Variants in TCF25 observed in about 807,000 individuals in gnomAD.
TCF25 encodes ribosome quality control complex subunit TCF25.
In TCF25, 41 loss-of-function variants were observed where a neutral mutation model predicts 83.1. The ratio of observed to expected loss-of-function variants is 0.49; its 90% confidence interval spans 0.38 to 0.64. The LOEUF is 0.64. Ranked by LOEUF, TCF25 falls within the 30% of genes least tolerant of loss-of-function variation. TCF25 has a pLI of 0.00. For missense variants in TCF25, 979 were observed against 914.5 expected (o/e 1.07, Z -0.91); for synonymous variants, 458 against 365.0 (o/e 1.25, Z -2.90).
intron 1 of TCF25, among the ~76,000 whole-genome samples, chr16:89,875,820 C>CTTTTTTTTTTTTTTTTTT (rs1164528945): frequency 3.1e-5 from 2 of 64,836 alleles, no homozygotes; most frequent in Non-Finnish European, 6.2e-5. Flanking sequence ...CTGCGCCTGG[C>CTTTTTTTTTTTTTTTTTT]TTTTTTTTTT....
intron 1 of TCF25, 21 bp from the exon 2 acceptor site, chr16:89,883,330 T>G: frequency 6.2e-7 from 1 of 1,611,268 alleles, no homozygotes. Context: ...GCCCTGGCTC[T>G]TCTCCAACCT....
intron 16 of TCF25, chr16:89,910,327 C>G (rs908894157): frequency 1.5e-5 from 8 of 544,066 alleles, no homozygotes; most frequent in African/African-American, 7.6e-5. Context: ...GTGGGAGCCT[C>G]GCTCCGGACG....
chr16:89,898,202 C>A (rs943952386), intron 9 of TCF25, among the ~76,000 whole-genome samples: 1 of 152,240 alleles, frequency 6.6e-6, no homozygotes, highest in Non-Finnish European at 1.5e-5. Context: ...CACCTCCTCT[C>A]CAGACATGGA....
chr16:89,878,243 G>A (rs368184043), intron 1 of TCF25, among the ~76,000 whole-genome samples: 8 of 151,618 alleles, frequency 5.3e-5, no homozygotes, highest in African/African-American at 1.9e-4. Context: ...TGACGCCACC[G>A]TACTCCAGCC....
In TCF25 at chr16:89,904,926, G is replaced by C; in HGVS notation, c.1470-12G>C. 6.3e-7 allele frequency: 1 copy of C among 1,599,134 alleles called. No individual in the cohort carries two copies. Among genetic ancestry groups the C allele is most frequent in the Non-Finnish European group, 8.5e-7 (1 of 1,173,534 alleles). ...AAGAGGGGTTCTGCTCAGAGCCCTTGCTCTCCCCCAGCCAGCCCCCTGCCC... is the reference window on the plus strand; with the variant it reads ...AAGAGGGGTTCTGCTCAGAGCCCTTCCTCTCCCCCAGCCAGCCCCCTGCCC... On this transcript the variant is annotated splice_polypyrimidine_tract_variant and intron_variant, in intron 13 of 17. Transcript: ENST00000263346.
At chr16:89,876,846 G>A (rs1032802035) in intron 1 of TCF25, among the ~76,000 whole-genome samples, 3 of 150,348 alleles carry the variant, frequency 2.0e-5, no homozygotes, top group African/African-American at 2.5e-5. Context: ...GGAGAATGGC[G>A]TGAACCCAGG....
intron 9 of TCF25, among the ~76,000 whole-genome samples, chr16:89,897,935 C>T (rs1330640641): frequency 6.6e-6 from 1 of 152,104 alleles, no homozygotes; most frequent in East Asian, 1.9e-4. Flanking sequence ...AACCCCGTCT[C>T]TACTAAAAAT....
intron 5 of TCF25, among the ~76,000 whole-genome samples, chr16:89,888,036 C>T (rs575161133): frequency 4.7e-4 from 72 of 152,184 alleles, no homozygotes; most frequent in Non-Finnish European, 8.2e-4. Flanking sequence ...GAGGCTGAGG[C>T]GGACAGATCA....
At chr16:89,909,173 G>C in intron 16 of TCF25, 2 of 1,269,540 alleles carry the variant, frequency 1.6e-6, no homozygotes, top group Middle Eastern at 4.8e-4. Context: ...AATCAAAACT[G>C]CACCAGCCTG....
Position 89,895,080 on chromosome 16 carries a change from C to G in TCF25, c.871C>G (p.Gln291Glu). Residue 291 changes from glutamine (Q) to glutamate (E), a missense_variant, in exon 8 of 18, where the codon CAG (glutamine) becomes GAG (glutamate). Gln to Glu is a conservative substitution (Grantham distance 29). Coordinates refer to ENST00000263346, the MANE Select transcript of TCF25 (RefSeq NM_014972.3). ...CCCTTACCACGTTGACTCACTCCTG[C>G]AGCTCAGCGATGCCTGCCGCTTTCA... ...TSPYHVDSLL[Q>E]LSDACRFQED... 6.2e-7 allele frequency: 1 copy of G among 1,613,322 alleles called. No individual in the cohort carries two copies. Among genetic ancestry groups the G allele is most frequent in the Non-Finnish European group, 8.5e-7 (1 of 1,179,814 alleles).
At chr16:89,880,583 C>G (rs1458301818) in intron 1 of TCF25, among the ~76,000 whole-genome samples, 1 of 146,484 alleles carries the variant, frequency 6.8e-6, no homozygotes, top group South Asian at 2.1e-4. Context: ...GACTCCATCT[C>G]AAAAAAAGAA....
chr16:89,875,551 C>G (rs1311839269), intron 1 of TCF25, among the ~76,000 whole-genome samples: 2 of 109,512 alleles, frequency 1.8e-5, no homozygotes, highest in South Asian at 3.3e-4. Context: ...GAGATGGAGT[C>G]TCGCTCTGTC....
At chr16:89,904,792 A>T in intron 13 of TCF25, 146 bp from the exon 14 acceptor site, 1 of 978,240 alleles carries the variant, frequency 1.0e-6, no homozygotes, top group Non-Finnish European at 1.6e-6. Context: ...CCACGCCCTC[A>T]GGCCAGCAGC....
At chr16:89,886,487 G>T (rs2043028252) in intron 4 of TCF25, among the ~76,000 whole-genome samples, 1 of 151,592 alleles carries the variant, frequency 6.6e-6, no homozygotes, top group Non-Finnish European at 1.5e-5. Context: ...AATAGGCCGG[G>T]CCCGGTGGCT....
At chr16:89,901,007 G>A in intron 12 of TCF25, 2 of 505,908 alleles carry the variant, frequency 4.0e-6, no homozygotes, top group Admixed American at 6.4e-5. Flanking sequence ...ACGAGGAGGT[G>A]GCAGGCATCC....
At chr16:89,879,305 G>A (rs115440213) in intron 1 of TCF25, among the ~76,000 whole-genome samples, 16,706 of 131,944 alleles carry the variant, frequency 0.13, 1,731 homozygotes, top group Middle Eastern at 0.35. Context: ...ACGGGCTTCA[G>A]AGCCTGTCAC....
intron 11 of TCF25, among the ~76,000 whole-genome samples, chr16:89,899,445 A>T (rs1034908826): frequency 3.3e-5 from 5 of 152,148 alleles, no homozygotes; most frequent in South Asian, 2.1e-4. Context: ...AGAAAATTTA[A>T]ATTGGGCCGG....
chr16:89,876,884 G>A (rs961170705), intron 1 of TCF25, among the ~76,000 whole-genome samples: 2 of 146,426 alleles, frequency 1.4e-5, no homozygotes, highest in South Asian at 2.1e-4. Flanking sequence ...AGCTGAGATC[G>A]TGCCACTGCA....
intron 14 of TCF25, among the ~76,000 whole-genome samples, chr16:89,905,342 G>A (rs1243042461): frequency 6.6e-6 from 1 of 152,194 alleles, no homozygotes; most frequent in African/African-American, 2.4e-5. Context: ...TCGGGCTGGA[G>A]TGGTGCCTTC....
Sources: allele counts gnomAD v4.1 joint callset (sites outside exome capture counted in the v4.1 genomes callset), GRCh38; gene constraint gnomAD v4.1.1; transcripts MANE v1.5; gene names NCBI Gene and HGNC (gene_info 2026-07-23, HGNC 2026-07-21).